Variants in PIP4K2C observed in about 807,000 individuals in gnomAD.
PIP4K2C encodes the protein phosphatidylinositol 5-phosphate 4-kinase type-2 gamma.
PIP4K2C carries 21 observed loss-of-function variants against 45.0 expected under a neutral mutation model. That is an observed-to-expected ratio of 0.47 (90% CI 0.33 to 0.67). PIP4K2C has a LOEUF of 0.67. PIP4K2C is among the 30% of genes least tolerant of loss of function. The pLI is 0.02. For missense variants in PIP4K2C, 456 were observed against 542.8 expected (o/e 0.84, Z 1.59); for synonymous variants, 201 against 204.8 (o/e 0.98, Z 0.16).
chr12:57,599,149 A>G lies in PIP4K2C; in HGVS notation c.598A>G (p.Met200Val), dbSNP rs769398553. The G allele has an allele frequency of 1.2e-6, 2 of 1,614,232 alleles. No individual in the cohort carries two copies. The highest frequency in any genetic ancestry group is 1.7e-6 in the Non-Finnish European group (2 of 1,180,038). The change falls in exon 5 of 10, where the codon ATG becomes GTG. Residue 200 changes from methionine (M) to valine (V), a missense_variant. Met to Val is a conservative substitution (Grantham distance 21, BLOSUM62 1). Coordinates refer to ENST00000354947, the MANE Select transcript of PIP4K2C (RefSeq NM_024779.5). ...CAGTGTGGACAACGAAGACAGCTAC[A>G]TGCTTGTGATGCGCAATATGTTTAG... is the stretch of plus-strand genomic sequence containing the variant. ...RVSVDNEDSY[M>V]LVMRNMFSHR...
At chr12:57,593,898 G>T in intron 1 of PIP4K2C, 127 bp from the exon 2 acceptor site, 1 of 617,426 alleles carries the variant, frequency 1.6e-6, no homozygotes, top group Non-Finnish European at 2.8e-6. Context: ...TCAAGCATAT[G>T]CATAGCCAGT....
chr12:57,591,606 A>T (rs572294554), intron 1 of PIP4K2C, 143 bp downstream of exon 1: 1 of 899,684 alleles, frequency 1.1e-6, no homozygotes, highest in African/African-American at 1.7e-5. Context: ...CACCAACCCC[A>T]GGTGTTCCCC....
At position 57,601,895 on chromosome 12, in the gene PIP4K2C, T is replaced by G. The variant is rs947464987; in HGVS notation, c.*289T>G. 5 of 434,430 alleles carry G rather than the reference T, an allele frequency of 1.2e-5. No homozygotes were observed. Among genetic ancestry groups the G allele is most frequent in the Non-Finnish European group, 2.1e-5 (5 of 236,134 alleles). The allele number at this position is 434,430 out of a possible 1,614,324, so 26.9% of individuals were successfully genotyped here. ...ACTCTCTCCCAAGTGCCTTGATCTT[T>G]GTAATATCTCCTGTTGTTTCTATGA... On this transcript the variant is annotated 3_prime_UTR_variant, in exon 10 of 10. Coordinates refer to ENST00000354947, the MANE Select transcript of PIP4K2C (RefSeq NM_024779.5).
At chr12:57,599,680 G>T (rs1883342653) in intron 6 of PIP4K2C, among the ~76,000 whole-genome samples, 1 of 152,176 alleles carries the variant, frequency 6.6e-6, no homozygotes, top group African/African-American at 2.4e-5. Context: ...TTGGGGATGG[G>T]TGAGGTTGCC....
At position 57,594,074 on chromosome 12, in the gene PIP4K2C, A is replaced by G. The variant is rs771101836; in HGVS notation, c.224A>G (p.Asp75Gly). ...CCCCCGGTGATGCTGCTGCCAGATG[A>G]CTTTAAGGCCAGCTCCAAGATCAAG... is the stretch of plus-strand genomic sequence containing the variant. ...VPPPVMLLPD[D>G]FKASSKIKVN... The change falls in exon 2 of 10, where the codon GAC becomes GGC. Residue 75 changes from aspartate (D) to glycine (G), a missense_variant. By Grantham distance (94) the Asp-to-Gly change is moderately conservative. Around this residue, in one of 2 missense-constraint regions of PIP4K2C, gnomAD observed 421 missense variants for 473.1 expected, o/e 0.89. Transcript: ENST00000354947. 6.2e-7 allele frequency: 1 copy of G among 1,613,896 alleles called. No homozygotes were observed. The highest frequency in any genetic ancestry group is 1.7e-5 in the Admixed American group (1 of 59,980).
rs767510093 is a variant in PIP4K2C at position 57,591,241 on chromosome 12, T to C, written c.-49T>C. On this transcript the variant is annotated 5_prime_UTR_variant, in exon 1 of 10. Coordinates refer to ENST00000354947, the MANE Select transcript of PIP4K2C (RefSeq NM_024779.5). ...AGCGCCGCTTCCGGGGTCGGGCGCC[T>C]GGATAGCTGCCGGCTCCGGCTTCCA... 12 of 1,552,744 alleles carry C rather than the reference T, an allele frequency of 7.7e-6. No individual in the cohort carries two copies. The highest frequency in any genetic ancestry group is 9.6e-6 in the Non-Finnish European group (11 of 1,144,928).
In PIP4K2C at chr12:57,592,549, T is replaced by C. The variant is rs913872207; in HGVS notation, c.174+1086T>C. Among the ~76,000 whole-genome samples the C allele has an allele frequency of 3.3e-5, 5 of 152,152 alleles. No individual in the cohort carries two copies. In the East Asian group the frequency reaches 9.6e-4, roughly 29 times the overall value. On this transcript the variant is annotated intron_variant, in intron 1 of 9. Transcript: ENST00000354947. ...TGTGGCTCTCTGGGTGGTAAGCTCT[T>C]AGTGAGTATTCAGTGGAAGGCACTT...
chr12:57,592,504 A>G (rs1258186941), intron 1 of PIP4K2C, among the ~76,000 whole-genome samples: 2 of 152,088 alleles, frequency 1.3e-5, no homozygotes, highest in African/African-American at 4.8e-5. Flanking sequence ...GTTTGTGGCC[A>G]GTCGGATCTC....
In PIP4K2C at chr12:57,599,832, C is replaced by T. The variant is rs945857730; in HGVS notation, c.699+394C>T. Among the ~76,000 whole-genome samples the T allele has an allele frequency of 6.6e-5, 10 of 152,138 alleles. 1 individual carries two copies. Among genetic ancestry groups the T allele is most frequent in the Admixed American group, 5.9e-4 (9 of 15,258 alleles). ...AGCACTTTAGAAGGCCAAGGCAGGA[C>T]TGCTTGAGCCCAGGAGTTCCAGACC... On this transcript the variant is annotated intron_variant, in intron 6 of 9. Coordinates refer to ENST00000354947, the MANE Select transcript of PIP4K2C (RefSeq NM_024779.5).
At chr12:57,600,708 C>T in intron 7 of PIP4K2C, 103 bp from the exon 8 acceptor site, 1 of 1,445,834 alleles carries the variant, frequency 6.9e-7, no homozygotes, top group Non-Finnish European at 9.5e-7. Context: ...TTTTATACTT[C>T]CTTTCCCCAG....
intron 1 of PIP4K2C, among the ~76,000 whole-genome samples, chr12:57,593,819 G>A (rs977341747): frequency 1.3e-5 from 2 of 151,294 alleles, no homozygotes; most frequent in African/African-American, 4.9e-5. Flanking sequence ...GTTGGGGGCT[G>A]TGTGTGAGGG....
rs56900742 is a variant in PIP4K2C at position 57,593,675 on chromosome 12, GTTTTTTTTTTT to G, written c.175-328_175-318del. ...CATGTAGCTGCCTTGAGCTTGCAGA[GTTTTTTTTTTT>G]TTTTTTTTTTTTTTTTTTTTTCTAG... On this transcript the variant is annotated intron_variant, in intron 1 of 9. Coordinates refer to ENST00000354947, the MANE Select transcript of PIP4K2C (RefSeq NM_024779.5). Among the ~76,000 whole-genome samples, 8 of 64,046 alleles carry G rather than the reference GTTTTTTTTTTT, an allele frequency of 1.2e-4. No homozygotes were observed. In the East Asian group the frequency reaches 2.3e-3, roughly 18 times the overall value. The allele number at this position is 64,046 out of a possible 152,430, so 42.0% of individuals were successfully genotyped here. A position where few individuals can be genotyped will look rare whatever the true frequency, so the allele number is the denominator to read the frequency against.
chr12:57,592,680 A>G (rs1342267425), intron 1 of PIP4K2C, among the ~76,000 whole-genome samples: 1 of 152,038 alleles, frequency 6.6e-6, no homozygotes, highest in African/African-American at 2.4e-5. Context: ...TCCCTTGTTA[A>G]GGATTGGGGG....
intron 6 of PIP4K2C, among the ~76,000 whole-genome samples, chr12:57,600,048 CAAAAAAAAAAAA>C (rs56278212): frequency 0.72 from 100,681 of 139,626 alleles, 35,211 homozygotes; most frequent in South Asian, 0.85. Context: ...GATCCTATCT[CAAAAAAAAAAAA>C]AAAAAAAAAG....
intron 6 of PIP4K2C, 37 bp from the exon 7 acceptor site, chr12:57,600,287 G>T: frequency 1.5e-6 from 2 of 1,366,174 alleles, no homozygotes; most frequent in Non-Finnish European, 2.1e-6. Context: ...CTTGGGGAAG[G>T]GATATGTTCC....
chr12:57,596,160 C>T (rs1883186160), intron 4 of PIP4K2C, 129 bp downstream of exon 4: 2 of 1,179,736 alleles, frequency 1.7e-6, no homozygotes, highest in East Asian at 2.4e-5. Context: ...CATATCCAGC[C>T]CTAAATGGGA....
intron 3 of PIP4K2C, among the ~76,000 whole-genome samples, chr12:57,595,430 C>T (rs1261669970): frequency 6.6e-6 from 1 of 152,286 alleles, no homozygotes; most frequent in Admixed American, 6.5e-5. Flanking sequence ...TTTGGCCAGG[C>T]GCTGTGGCTC....
intron 4 of PIP4K2C, 83 bp downstream of exon 4, chr12:57,596,114 T>C: frequency 6.8e-7 from 1 of 1,469,782 alleles, no homozygotes; most frequent in Non-Finnish European, 9.4e-7. Context: ...AGATGCCAAC[T>C]GGGGAGAAAA....
At chr12:57,595,069 C>G in intron 2 of PIP4K2C, 57 bp from the exon 3 acceptor site, 1 of 1,093,250 alleles carries the variant, frequency 9.1e-7, no homozygotes, top group South Asian at 1.2e-5. Context: ...TATAAACTAC[C>G]AAGTGTATGT....
Sources: allele counts gnomAD v4.1 joint callset (sites outside exome capture counted in the v4.1 genomes callset), GRCh38; gene constraint gnomAD v4.1.1; regional missense constraint gnomAD v4.1.1; transcripts MANE v1.5; gene names NCBI Gene and HGNC (gene_info 2026-07-23, HGNC 2026-07-21).